OPCML: variants seen among roughly 807,000 people sequenced by gnomAD.
The protein encoded by OPCML is opioid-binding protein/cell adhesion molecule.
A neutral mutation model predicts 37.8 loss-of-function variants in OPCML; 13 were observed. The ratio of observed to expected loss-of-function variants is 0.34; its 90% CI spans 0.22 to 0.55. The LOEUF is 0.55. Among genes scored for constraint, OPCML ranks in the 20% least tolerant of loss-of-function variants. The pLI is 0.91. For synonymous variants in OPCML, 176 were observed against 168.8 expected (o/e 1.04, Z -0.33); for missense variants, 341 against 435.6 (o/e 0.78, Z 1.93).
At chr11:133,188,446 C>T (rs780996415) in intron 1 of OPCML, among the ~76,000 whole-genome samples, 5 of 151,938 alleles carry the variant, frequency 3.3e-5, no homozygotes, top group Non-Finnish European at 7.4e-5. Context: ...CATCGCGATC[C>T]ACATTGTTAC....
In OPCML at chr11:132,570,937, GC is replaced by G. The variant is rs2096436925; in HGVS notation, c.380-41752del. Reference sequence around the variant, plus strand: ...AGTATCTCCAGATAGCTGGTAAAATGCTGCTTCTCTTTGTGTCTGTGAGGGT... The same window carrying G: ...AGTATCTCCAGATAGCTGGTAAAATGTGCTTCTCTTTGTGTCTGTGAGGGT... On this transcript the variant is annotated intron_variant, in intron 3 of 7. Transcript: ENST00000524381. Among the ~76,000 whole-genome samples, 15 of 151,454 alleles carry G rather than the reference GC, an allele frequency of 9.9e-5. No individual in the cohort carries two copies. In the South Asian group the frequency reaches 3.1e-3, roughly 32 times the overall value.
chr11:132,595,190 G>C (rs549775494), intron 3 of OPCML, among the ~76,000 whole-genome samples: 1 of 152,110 alleles, frequency 6.6e-6, no homozygotes, highest in Non-Finnish European at 1.5e-5. Flanking sequence ...GGTACATCAG[G>C]AAAGGGGAGG....
intron 3 of OPCML, among the ~76,000 whole-genome samples, chr11:132,612,903 T>C (rs1938746268): frequency 6.6e-6 from 1 of 152,158 alleles, no homozygotes; most frequent in African/African-American, 2.4e-5. Context: ...CATAAGTGGC[T>C]TCTCATCAGA....
chr11:133,068,697 A>G (rs1004534277), intron 1 of OPCML, among the ~76,000 whole-genome samples: 2 of 152,174 alleles, frequency 1.3e-5, no homozygotes, highest in Non-Finnish European at 2.9e-5. Flanking sequence ...TGCTGGAGAT[A>G]TTTTTCAGCA....
rs539789419 is a variant in OPCML at position 133,239,214 on chromosome 11, C to T, written c.61+293050G>A. On this transcript the variant is annotated intron_variant, in intron 1 of 7. Transcript: ENST00000524381. ...GGCTTTCATGAAGCTAGGCACACAC[C>T]AAGTACTCGGTCAGATGTCGCTGGT... 3.3e-5 allele frequency among the ~76,000 whole-genome samples: 5 copies of T among 152,358 alleles called. No homozygotes were observed. The East Asian group carries it at 9.6e-4, about 29-fold the overall frequency.
At chr11:132,824,285 T>C (rs981231025) in intron 2 of OPCML, among the ~76,000 whole-genome samples, 16 of 152,220 alleles carry the variant, frequency 1.1e-4, no homozygotes, top group Non-Finnish European at 1.6e-4. Context: ...ATCATCACCA[T>C]TGATATTTCG....
intron 4 of OPCML, among the ~76,000 whole-genome samples, chr11:132,472,486 T>C (rs2096141074): frequency 6.6e-6 from 1 of 152,336 alleles, no homozygotes; most frequent in Non-Finnish European, 1.5e-5. Flanking sequence ...TCTTTGGTAA[T>C]AATCATCATA....
intron 2 of OPCML, among the ~76,000 whole-genome samples, chr11:132,841,399 A>G (rs1941279184): frequency 6.6e-6 from 1 of 152,144 alleles, no homozygotes; most frequent in South Asian, 2.1e-4. Flanking sequence ...CAAGACCTAG[A>G]TGATCTCTAG....
chr11:133,360,170 G>T (rs1210692184), intron 1 of OPCML: 1 of 152,208 alleles, frequency 6.6e-6, no homozygotes, highest in Non-Finnish European at 1.5e-5. Context: ...TCAGGAAACT[G>T]AATATCCAGG....
chr11:133,197,855 C>T (rs545062304), intron 1 of OPCML, among the ~76,000 whole-genome samples: 8 of 152,030 alleles, frequency 5.3e-5, no homozygotes, highest in Non-Finnish European at 1.0e-4. Context: ...AGTCAAAGAA[C>T]GGGTGAAAAA....
chr11:132,742,029 C>CA (rs61200603), intron 2 of OPCML, among the ~76,000 whole-genome samples: 127 of 131,752 alleles, frequency 9.6e-4, no homozygotes, highest in Middle Eastern at 3.9e-3. Flanking sequence ...AACTCTGTCT[C>CA]AAAAAAAAAA....
intron 1 of OPCML, among the ~76,000 whole-genome samples, chr11:133,507,851 G>A (rs1410514739): frequency 6.6e-6 from 1 of 151,796 alleles, no homozygotes; most frequent in Non-Finnish European, 1.5e-5. Context: ...GGAGGCTGAG[G>A]CAGAAGAATC....
At chr11:132,609,904 G>A (rs1193776141) in intron 3 of OPCML, among the ~76,000 whole-genome samples, 1 of 152,146 alleles carries the variant, frequency 6.6e-6, no homozygotes, top group Admixed American at 6.5e-5. Flanking sequence ...TAGTGAATGA[G>A]AATAAAGGAA....
intron 3 of OPCML, among the ~76,000 whole-genome samples, chr11:132,593,213 C>T (rs1183240991): frequency 6.6e-6 from 1 of 152,110 alleles, no homozygotes; most frequent in African/African-American, 2.4e-5. Context: ...GAAAGTTCAA[C>T]AGCCCCACAG....
At chr11:133,122,677 C>G (rs1949440690) in intron 1 of OPCML, among the ~76,000 whole-genome samples, 1 of 152,164 alleles carries the variant, frequency 6.6e-6, no homozygotes, top group South Asian at 2.1e-4. Context: ...CTTTCCTCTT[C>G]TCTCCAGCAC....
chr11:133,351,140 G>A (rs1008209780), intron 1 of OPCML, among the ~76,000 whole-genome samples: 17 of 152,138 alleles, frequency 1.1e-4, no homozygotes, highest in African/African-American at 2.9e-4. Context: ...GATTTGCCAC[G>A]GTTATTTTAG....
At chr11:132,619,217 A>G (rs1487020330) in intron 3 of OPCML, among the ~76,000 whole-genome samples, 2 of 151,836 alleles carry the variant, frequency 1.3e-5, no homozygotes, top group Admixed American at 6.6e-5. Context: ...CCATCTCACA[A>G]CTTCCCAAGT....
At chr11:132,662,915 G>C (rs541356516) in intron 2 of OPCML, among the ~76,000 whole-genome samples, 4 of 152,284 alleles carry the variant, frequency 2.6e-5, no homozygotes, top group Admixed American at 2.6e-4. Flanking sequence ...GACTTTGTAC[G>C]TGTTCAAAGA....
chr11:132,852,046 G>T (rs1475191296), intron 2 of OPCML, among the ~76,000 whole-genome samples: 1 of 152,178 alleles, frequency 6.6e-6, no homozygotes, highest in Non-Finnish European at 1.5e-5. Flanking sequence ...CAGGTGAAAG[G>T]TGCCCTCTCT....
Sources: gnomAD v4.1 joint callset for allele counts (sites outside exome capture counted in the v4.1 genomes callset) on GRCh38, gnomAD v4.1.1 for gene constraint, MANE v1.5 for transcripts, NCBI Gene and HGNC (gene_info 2026-07-23, HGNC 2026-07-21) for gene names.